The following CNTN5 variants were observed in gnomAD, a reference collection of about 807,000 sequenced individuals.
CNTN5 encodes contactin-5.
CNTN5 carries 77 observed loss-of-function variants against 129.1 expected under a neutral mutation model. The ratio of observed to expected loss-of-function variants is 0.60; its 90% CI spans 0.50 to 0.72. The LOEUF is 0.72. CNTN5 is among the 30% of genes least tolerant of loss of function. CNTN5 has a pLI of 0.00. For synonymous variants in CNTN5, 509 were observed against 465.6 expected, an observed-to-expected ratio of 1.09 and a Z score of -1.20; for missense variants, 1,478 against 1,328.8, an observed-to-expected ratio of 1.11 and a Z score of -1.75.
chr11:99,846,351 C>G (rs1288798442), intron 6 of CNTN5, among the ~76,000 whole-genome samples: 2 of 85,386 alleles, frequency 2.3e-5, no homozygotes, highest in Non-Finnish European at 3.9e-5. Context: ...GAGTGAGGAT[C>G]TGTCTCAAAA....
At chr11:99,622,622 T>A (rs961875379) in intron 3 of CNTN5, among the ~76,000 whole-genome samples, 2 of 152,144 alleles carry the variant, frequency 1.3e-5, no homozygotes, top group Non-Finnish European at 2.9e-5. Flanking sequence ...TAAGCATAGA[T>A]GCTGAGCCAA....
chr11:99,431,203 T>C (rs539956538), intron 2 of CNTN5, among the ~76,000 whole-genome samples: 1 of 152,112 alleles, frequency 6.6e-6, no homozygotes, highest in Non-Finnish European at 1.5e-5. Context: ...TAAGGAGAAA[T>C]TAAGACCAGC....
At chr11:99,872,788 G>T (rs976320693) in intron 6 of CNTN5, among the ~76,000 whole-genome samples, 1 of 152,056 alleles carries the variant, frequency 6.6e-6, no homozygotes, top group Non-Finnish European at 1.5e-5. Flanking sequence ...TTCATTTAAA[G>T]ATATCTTTAC....
chr11:99,507,568 T>C (rs1946674632), intron 2 of CNTN5, among the ~76,000 whole-genome samples: 1 of 152,206 alleles, frequency 6.6e-6, no homozygotes, highest in South Asian at 2.1e-4. Flanking sequence ...TGACCTAAAA[T>C]ACATAAACGA....
intron 4 of CNTN5, among the ~76,000 whole-genome samples, chr11:99,831,629 C>T (rs866242320): frequency 2.7e-4 from 41 of 151,748 alleles, no homozygotes; most frequent in African/African-American, 9.9e-4. Flanking sequence ...TTTTTTGGTG[C>T]AAATTTGGCT....
At chr11:99,591,913 T>A (rs974142600) in intron 3 of CNTN5, among the ~76,000 whole-genome samples, 1 of 152,190 alleles carries the variant, frequency 6.6e-6, no homozygotes. Context: ...AAAATAAAAA[T>A]CAATATTGAA....
chr11:99,851,712 T>A (rs1179335369), intron 6 of CNTN5, among the ~76,000 whole-genome samples: 1 of 152,238 alleles, frequency 6.6e-6, no homozygotes, highest in African/African-American at 2.4e-5. Flanking sequence ...GTGATTTAGA[T>A]CCAGAATATT....
At chr11:99,501,583 G>C (rs546810590) in intron 2 of CNTN5, among the ~76,000 whole-genome samples, 1 of 152,158 alleles carries the variant, frequency 6.6e-6, no homozygotes, top group Admixed American at 6.5e-5. Context: ...TCAGTAGCAA[G>C]TGAGCCCATT....
intron 1 of CNTN5, among the ~76,000 whole-genome samples, chr11:99,321,362 C>T (rs1333787145): frequency 6.7e-6 from 1 of 148,954 alleles, no homozygotes; most frequent in Non-Finnish European, 1.5e-5. Flanking sequence ...ATATATATAA[C>T]ATATATATAT....
intron 8 of CNTN5, among the ~76,000 whole-genome samples, chr11:99,980,135 CTT>C (rs75040895): frequency 0.069 from 10,479 of 152,132 alleles, 737 homozygotes; most frequent in East Asian, 0.31. Flanking sequence ...CTCTCTGGAA[CTT>C]AAGAAAGTTT....
chr11:99,128,024 G>A (rs926003286), intron 1 of CNTN5, among the ~76,000 whole-genome samples: 3 of 152,112 alleles, frequency 2.0e-5, no homozygotes, highest in African/African-American at 7.2e-5. Context: ...AATATAAATG[G>A]TTGATAATCA....
chr11:99,770,220 A>C (rs149176751), intron 3 of CNTN5, among the ~76,000 whole-genome samples: 1 of 152,222 alleles, frequency 6.6e-6, no homozygotes, highest in African/African-American at 2.4e-5. Context: ...GGTTTGCTTT[A>C]TCTTTTCTCT....
At chr11:99,425,541 A>T (rs7924518) in intron 2 of CNTN5, among the ~76,000 whole-genome samples, 152,209 of 152,356 alleles carry the variant, frequency 1, 76,032 homozygotes, top group Middle Eastern at 1. Context: ...GGCTGGCATA[A>T]CAGCACCACC....
chr11:99,333,623 G>A (rs551871164), intron 2 of CNTN5, among the ~76,000 whole-genome samples: 11 of 152,062 alleles, frequency 7.2e-5, no homozygotes, highest in Admixed American at 7.2e-4. Flanking sequence ...ATGTGGAATA[G>A]AAAATATATT....
chr11:99,376,787 A>T (rs1940211346), intron 2 of CNTN5, among the ~76,000 whole-genome samples: 1 of 152,168 alleles, frequency 6.6e-6, no homozygotes, highest in Non-Finnish European at 1.5e-5. Flanking sequence ...AGCACCTGGA[A>T]TATGGTAATT....
At chr11:99,742,741 T>C (rs1227523207) in intron 3 of CNTN5, among the ~76,000 whole-genome samples, 2 of 152,204 alleles carry the variant, frequency 1.3e-5, no homozygotes, top group Non-Finnish European at 2.9e-5. Flanking sequence ...TCATCCTGCC[T>C]AGCGTTCCTT....
intron 13 of CNTN5, among the ~76,000 whole-genome samples, chr11:100,147,431 A>G (rs1946888963): frequency 6.6e-6 from 1 of 151,942 alleles, no homozygotes; most frequent in South Asian, 2.1e-4. Flanking sequence ...GTCTCATGGT[A>G]TCTTGCCTCA....
chr11:99,088,837 A>C (rs909907436), intron 1 of CNTN5, among the ~76,000 whole-genome samples: 1 of 152,224 alleles, frequency 6.6e-6, no homozygotes, highest in Non-Finnish European at 1.5e-5. Context: ...TGTCATTTTT[A>C]AATTTTTGCT....
intron 18 of CNTN5, among the ~76,000 whole-genome samples, chr11:100,284,413 C>G (rs513364): frequency 0.07 from 10,617 of 152,180 alleles, 507 homozygotes; most frequent in African/African-American, 0.14. Context: ...AGATAGACAG[C>G]CCTGTGTTTA....
Sources: gnomAD v4.1 joint callset for allele counts (sites outside exome capture counted in the v4.1 genomes callset) on GRCh38, gnomAD v4.1.1 for gene constraint, MANE v1.5 for transcripts, NCBI Gene and HGNC (gene_info 2026-07-23, HGNC 2026-07-21) for gene names.